The following NPAS3 variants were observed in gnomAD, a reference collection of about 807,000 sequenced individuals.
NPAS3 encodes the protein neuronal PAS domain-containing protein 3.
In NPAS3, 14 loss-of-function variants were observed where a neutral mutation model predicts 73.1. The ratio of observed to expected loss-of-function variants is 0.19; its 90% CI spans 0.13 to 0.30. The LOEUF (loss-of-function observed/expected upper bound fraction) is 0.30, where lower values mean the gene tolerates loss of function less well. NPAS3 is among the 10% of genes least tolerant of loss of function. The pLI is 1.00. For missense variants in NPAS3, 1,096 were observed against 1,250.0 expected, an observed-to-expected ratio of 0.88 and a Z score of 1.86; for synonymous variants, 620 against 541.5, an observed-to-expected ratio of 1.14 and a Z score of -2.01.
intron 4 of NPAS3, among the ~76,000 whole-genome samples, chr14:33,430,482 A>G (rs964234662): frequency 7.2e-5 from 11 of 152,102 alleles, no homozygotes; most frequent in Non-Finnish European, 1.5e-4. Flanking sequence ...AGCAGAGTAC[A>G]TGTTATGGCT....
chr14:33,535,647 C>G (rs1464636140), intron 4 of NPAS3, among the ~76,000 whole-genome samples: 1 of 152,060 alleles, frequency 6.6e-6, no homozygotes, highest in African/African-American at 2.4e-5. Flanking sequence ...GAATGCATCT[C>G]TGGATTATGG....
chr14:33,166,704 TATG>T (rs777121815), intron 2 of NPAS3, among the ~76,000 whole-genome samples: 8 of 152,220 alleles, frequency 5.3e-5, no homozygotes, highest in Non-Finnish European at 7.3e-5. Context: ...GATGCAGAAT[TATG>T]GTGCTGGCTT....
intron 2 of NPAS3, among the ~76,000 whole-genome samples, chr14:33,118,799 A>G (rs1331853368): frequency 6.6e-6 from 1 of 152,006 alleles, no homozygotes; most frequent in African/African-American, 2.4e-5. Flanking sequence ...TGAGCTTAAT[A>G]TAACATGTGG....
At chr14:33,679,587 G>A (rs925673886) in intron 6 of NPAS3, among the ~76,000 whole-genome samples, 2 of 152,156 alleles carry the variant, frequency 1.3e-5, no homozygotes, top group African/African-American at 4.8e-5. Flanking sequence ...GTTGGGAAAG[G>A]GATATTGATA....
intron 4 of NPAS3, among the ~76,000 whole-genome samples, chr14:33,426,104 G>A (rs2139086117): frequency 6.6e-6 from 1 of 152,160 alleles, no homozygotes; most frequent in East Asian, 1.9e-4. Context: ...ACCACTGACT[G>A]TATTTCAACA....
chr14:33,236,598 G>C (rs1219931657), intron 3 of NPAS3, among the ~76,000 whole-genome samples: 1 of 152,080 alleles, frequency 6.6e-6, no homozygotes, highest in African/African-American at 2.4e-5. Flanking sequence ...AACAACCCTA[G>C]CCTGGAGGAT....
intron 4 of NPAS3, among the ~76,000 whole-genome samples, chr14:33,376,433 A>G (rs564363874): frequency 1.6e-4 from 24 of 152,300 alleles, no homozygotes; most frequent in Non-Finnish European, 2.6e-4. Context: ...TAAATTCAGT[A>G]TATGCTTTTT....
chr14:33,468,046 G>C (rs2050612634), intron 4 of NPAS3, among the ~76,000 whole-genome samples: 1 of 152,134 alleles, frequency 6.6e-6, no homozygotes, highest in African/African-American at 2.4e-5. Context: ...ATCTAATAGG[G>C]TCATCATGCC....
chr14:33,643,399 C>CCAA (rs753489506), intron 5 of NPAS3, among the ~76,000 whole-genome samples: 23 of 62,858 alleles, frequency 3.7e-4, no homozygotes, highest in Non-Finnish European at 7.9e-4. Context: ...AAAAAAAAAA[C>CCAA]GAGAGAGATG....
At chr14:33,107,501 T>C (rs1172062860) in intron 2 of NPAS3, among the ~76,000 whole-genome samples, 1 of 152,170 alleles carries the variant, frequency 6.6e-6, no homozygotes, top group African/African-American at 2.4e-5. Context: ...ATTGAGAATA[T>C]GCAGTATTTG....
At chr14:32,970,863 A>G (rs1485876563) in intron 1 of NPAS3, among the ~76,000 whole-genome samples, 3 of 152,104 alleles carry the variant, frequency 2.0e-5, no homozygotes, top group Non-Finnish European at 2.9e-5. Flanking sequence ...AACCCACCTT[A>G]ATGACCTTCT....
chr14:33,770,749 A>T (rs1480848856), intron 7 of NPAS3, among the ~76,000 whole-genome samples: 3 of 152,110 alleles, frequency 2.0e-5, no homozygotes, highest in Non-Finnish European at 4.4e-5. Context: ...AAAATACAAA[A>T]ATTAGCTGTG....
At chr14:33,135,692 C>T (rs2043804429) in intron 2 of NPAS3, among the ~76,000 whole-genome samples, 1 of 152,008 alleles carries the variant, frequency 6.6e-6, no homozygotes, top group African/African-American at 2.4e-5. Flanking sequence ...AAACAATTTC[C>T]CTCTTGACTC....
Position 33,520,830 on chromosome 14 carries a change from G to A in NPAS3, c.469-39291G>A, listed in dbSNP as rs535924429. ...TTGAGTGGGAGGCAAGGCGAGGACC[G>A]CTGTGCAGAGAGGTGCTGGTACTGT... On this transcript the variant is annotated intron_variant, in intron 4 of 11. Coordinates refer to ENST00000356141, the Ensembl canonical transcript of NPAS3. 3.3e-5 allele frequency among the ~76,000 whole-genome samples: 5 copies of A among 152,242 alleles called. No individual in the cohort carries two copies. In the South Asian group the frequency reaches 1.0e-3, roughly 32 times the overall value.
chr14:33,226,288 A>G lies in NPAS3; in HGVS notation c.385+10862A>G, dbSNP rs138339469. ...TTGTTTGGTCATTTTGACGTGGCTA[A>G]TCAAACAACTGATCAGTTTAGGTTA... On this transcript the variant is annotated intron_variant, in intron 3 of 11. Transcript: ENST00000356141. Among the ~76,000 whole-genome samples the G allele has an allele frequency of 1.0e-3, 156 of 152,326 alleles. 2 individuals carry two copies. The East Asian group carries it at 0.025, about 25-fold the overall frequency.
rs114017096 is a variant in NPAS3, at chr14:33,676,202, G to A, written c.559-9G>A. ...GTCTTTCCTTCCCACCCTTTCTCTCGCCCTCTAGGTGGAGCTGACAGGCAG... is the reference window on the plus strand; with the variant it reads ...GTCTTTCCTTCCCACCCTTTCTCTCACCCTCTAGGTGGAGCTGACAGGCAG... On this transcript the variant is annotated splice_polypyrimidine_tract_variant and intron_variant, in intron 5 of 11. Transcript: ENST00000356141. 5.0e-4 allele frequency: 812 copies of A among 1,612,792 alleles called. 1 individual carries two copies. In the African/African-American group the frequency reaches 8.5e-3, roughly 17 times the overall value.
chr14:33,508,159 C>T (rs1034549107), intron 4 of NPAS3, among the ~76,000 whole-genome samples: 1 of 152,046 alleles, frequency 6.6e-6, no homozygotes, highest in Non-Finnish European at 1.5e-5. Flanking sequence ...TATGTTATGG[C>T]AAAACCAGCA....
At chr14:33,668,205 C>T (rs183920019) in intron 5 of NPAS3, among the ~76,000 whole-genome samples, 60 of 152,262 alleles carry the variant, frequency 3.9e-4, no homozygotes, top group African/African-American at 1.4e-3. Context: ...ATTGTTTTTT[C>T]GCGCAACAGT....
chr14:33,006,935 T>A (rs2039019929), intron 1 of NPAS3, among the ~76,000 whole-genome samples: 1 of 152,194 alleles, frequency 6.6e-6, no homozygotes, highest in Non-Finnish European at 1.5e-5. Context: ...TGTGTTATTT[T>A]AAATAAGTGG....
Sources: allele counts gnomAD v4.1 joint callset (sites outside exome capture counted in the v4.1 genomes callset), GRCh38; gene constraint gnomAD v4.1.1; transcripts MANE v1.5; gene names NCBI Gene and HGNC (gene_info 2026-07-23, HGNC 2026-07-21).